Variants in ZNF627 observed in about 807,000 individuals in gnomAD.
ZNF627 encodes the protein zinc finger protein 627.
ZNF627 carries 12 observed loss-of-function variants against 10.6 expected under a neutral mutation model. The observed-to-expected ratio is 1.13, with a 90% CI of 0.73 to 1.84. The LOEUF (loss-of-function observed/expected upper bound fraction) is 1.84, where lower values mean the gene tolerates loss of function less well. Ranked by LOEUF, ZNF627 falls within the 40% of genes most tolerant of loss-of-function variation. ZNF627 has a pLI of 0.00. For missense variants in ZNF627, 504 were observed against 568.4 expected (o/e 0.89, Z 1.15); for synonymous variants, 176 against 187.1 (o/e 0.94, Z 0.48).
intron 1 of ZNF627, 124 bp downstream of exon 1, chr19:11,597,754 T>C: frequency 9.1e-7 from 1 of 1,096,562 alleles, no homozygotes; most frequent in Non-Finnish European, 1.2e-6. Context: ...CCGAGTTCCC[T>C]CGGCCGCAAG....
At position 11,618,060 on chromosome 19, in the gene ZNF627, T is replaced by G; in HGVS notation, c.*171T>G. The G allele has an allele frequency of 1.9e-6, 1 of 539,850 alleles. No individual in the cohort carries two copies. Among genetic ancestry groups the G allele is most frequent in the Non-Finnish European group, 3.1e-6 (1 of 321,064 alleles). The allele number at this position is 539,850 out of a possible 1,614,324, so 33.4% of individuals were successfully genotyped here. On this transcript the variant is annotated 3_prime_UTR_variant, in exon 4 of 4. Transcript: ENST00000361113. ...TGTGATAGGACAGTAAAACCTAGAGTTGGAGTTGGATCTCTGGATTGTGTT... is the reference window on the plus strand; with the variant it reads ...TGTGATAGGACAGTAAAACCTAGAGGTGGAGTTGGATCTCTGGATTGTGTT...
chr19:11,610,630 G>A (rs992000288), intron 1 of ZNF627, among the ~76,000 whole-genome samples: 1 of 152,030 alleles, frequency 6.6e-6, no homozygotes, highest in Admixed American at 6.6e-5. Flanking sequence ...TTGTGTAACT[G>A]CTGCTAATTA....
At chr19:11,600,777 A>T (rs1973571249) in intron 1 of ZNF627, among the ~76,000 whole-genome samples, 1 of 152,210 alleles carries the variant, frequency 6.6e-6, no homozygotes, top group Non-Finnish European at 1.5e-5. Context: ...AAGTCCTAGT[A>T]GGACAGGACT....
intron 3 of ZNF627, among the ~76,000 whole-genome samples, chr19:11,615,716 C>CT (rs773368615): frequency 0.017 from 2,252 of 131,444 alleles, 52 homozygotes; most frequent in Non-Finnish European, 0.02. Context: ...ATACGAATAT[C>CT]TTTTTTTTTT....
At position 11,597,620 on chromosome 19, in the gene ZNF627, G is replaced by A; in HGVS notation, c.-8G>A. The stretch of plus-strand genomic sequence containing the variant: ...AGGGAGGACGCCGGGACACCTGGAA[G>A]CCGAGAAATGGTGCGTGTGAGGGGT... On this transcript the variant is annotated 5_prime_UTR_variant, in exon 1 of 4. Transcript: ENST00000361113. 1 of 1,334,308 alleles carries A rather than the reference G, an allele frequency of 7.5e-7. No homozygotes were observed. Among genetic ancestry groups the A allele is most frequent in the Non-Finnish European group, 9.7e-7 (1 of 1,035,782 alleles). 82.7% of individuals were successfully genotyped at this position (1,334,308 alleles called of 1,614,324 possible).
intron 1 of ZNF627, among the ~76,000 whole-genome samples, chr19:11,601,506 A>G (rs1427900989): frequency 1.3e-5 from 2 of 151,994 alleles, no homozygotes; most frequent in Non-Finnish European, 2.9e-5. Context: ...TGCCTGGCTT[A>G]TATTTTTAAA....
At chr19:11,597,940 A>G (rs1040822890) in intron 1 of ZNF627, among the ~76,000 whole-genome samples, 3 of 152,130 alleles carry the variant, frequency 2.0e-5, no homozygotes, top group Non-Finnish European at 2.9e-5. Flanking sequence ...GCCGCCCCCC[A>G]CAGTCCCGCC....
At chr19:11,610,712 T>C (rs188208247) in intron 1 of ZNF627, among the ~76,000 whole-genome samples, 1 of 152,292 alleles carries the variant, frequency 6.6e-6, no homozygotes, top group East Asian at 1.9e-4. Context: ...CAATAGACTG[T>C]CCATTTGTAT....
In ZNF627 at chr19:11,597,615, T is replaced by G. The variant is rs745522487; in HGVS notation, c.-13T>G. The G allele has an allele frequency of 3.0e-6, 4 of 1,333,652 alleles. No homozygotes were observed. The highest frequency in any genetic ancestry group is 3.9e-6 in the Non-Finnish European group (4 of 1,035,474). The allele number at this position is 1,333,652 out of a possible 1,614,324, so 82.6% of individuals were successfully genotyped here. On this transcript the variant is annotated 5_prime_UTR_variant, in exon 1 of 4. Coordinates refer to ENST00000361113, the MANE Select transcript of ZNF627 (RefSeq NM_145295.4). ...GTCGTAGGGAGGACGCCGGGACACCTGGAAGCCGAGAAATGGTGCGTGTGA... is the reference window on the plus strand; with the variant it reads ...GTCGTAGGGAGGACGCCGGGACACCGGGAAGCCGAGAAATGGTGCGTGTGA...
At chr19:11,605,623 T>C (rs1568440522) in intron 1 of ZNF627, among the ~76,000 whole-genome samples, 1 of 152,098 alleles carries the variant, frequency 6.6e-6, no homozygotes, top group East Asian at 1.9e-4. Flanking sequence ...GAGAACAACA[T>C]GGAGGTAACC....
At chr19:11,614,454 C>A (rs1050037223) in intron 1 of ZNF627, 73 bp from the exon 2 acceptor site, 4 of 1,596,158 alleles carry the variant, frequency 2.5e-6, no homozygotes, top group African/African-American at 2.7e-5. Flanking sequence ...CTGAGAACTT[C>A]TTGGGAATAA....
chr19:11,601,352 T>C (rs56963444), intron 1 of ZNF627, among the ~76,000 whole-genome samples: 1 of 152,246 alleles, frequency 6.6e-6, no homozygotes, highest in South Asian at 2.1e-4. Context: ...TTTATTTTTT[T>C]TGTGTGTGAC....
chr19:11,616,766 A>G lies in ZNF627; in HGVS notation c.263A>G (p.Asp88Gly). The G allele has an allele frequency of 6.2e-7, 1 of 1,613,738 alleles. No individual in the cohort carries two copies. The highest frequency in any genetic ancestry group is 8.5e-7 in the Non-Finnish European group (1 of 1,179,808). Reference sequence around the variant, plus strand: ...GAAGAAACCTTCAGCCAGATTCCAGATGGTATTCTGAACAAGAAAACTCCT... The same window carrying G: ...GAAGAAACCTTCAGCCAGATTCCAGGTGGTATTCTGAACAAGAAAACTCCT... Reference protein sequence around the residue: ...QGEETFSQIPDGILNKKTPGV... With the variant: ...QGEETFSQIPGGILNKKTPGV... Residue 88 changes from aspartate to glycine, a missense_variant, in exon 4 of 4, where the codon GAT becomes GGT. Transcript: ENST00000361113.
intron 1 of ZNF627, chr19:11,604,502 G>C (rs1266187484): frequency 6.6e-6 from 1 of 152,226 alleles, no homozygotes; most frequent in African/African-American, 2.4e-5. Context: ...ATCTGAGCCT[G>C]GTGTTTTGGG....
chr19:11,617,596 T>C lies in ZNF627; in HGVS notation c.1093T>C (p.Cys365Arg). The C allele has an allele frequency of 1.2e-6, 2 of 1,613,842 alleles. No homozygotes were observed. Among genetic ancestry groups the C allele is most frequent in the Non-Finnish European group, 1.7e-6 (2 of 1,179,950 alleles). The change falls in exon 4 of 4, where the codon TGT becomes CGT. Residue 365 changes from cysteine to arginine, a missense_variant. Coordinates refer to ENST00000361113, the MANE Select transcript of ZNF627 (RefSeq NM_145295.4). The stretch of plus-strand genomic sequence containing the variant: ...CCACACTGGAGAGAAACCCTATGAT[T>C]GTAAGCAATGTGGGAAAGCCTTCAG... ...RTHTGEKPYD[C>R]KQCGKAFSCS... is the part of the protein sequence containing the mutation.
At chr19:11,599,338 T>C (rs1222939893) in intron 1 of ZNF627, among the ~76,000 whole-genome samples, 1 of 152,204 alleles carries the variant, frequency 6.6e-6, no homozygotes, top group Non-Finnish European at 1.5e-5. Flanking sequence ...CCAGATCCCA[T>C]TCCTTGGGGG....
intron 1 of ZNF627, among the ~76,000 whole-genome samples, chr19:11,606,041 G>T (rs1329621495): frequency 2.0e-5 from 3 of 152,246 alleles, no homozygotes; most frequent in Admixed American, 2.0e-4. Context: ...AAATCTTAAA[G>T]CTTTGACATA....
intron 1 of ZNF627, among the ~76,000 whole-genome samples, chr19:11,601,661 A>G (rs1973587024): frequency 6.6e-6 from 1 of 152,068 alleles, no homozygotes; most frequent in African/African-American, 2.4e-5. Context: ...CCAGACAGGA[A>G]TGACTATTCT....
chr19:11,612,309 A>G (rs1973785700), intron 1 of ZNF627, among the ~76,000 whole-genome samples: 2 of 147,530 alleles, frequency 1.4e-5, no homozygotes, highest in Non-Finnish European at 3.0e-5. Flanking sequence ...TTTCGTAGAG[A>G]TGGGGTTTCA....
Sources: gnomAD v4.1 joint callset for allele counts (sites outside exome capture counted in the v4.1 genomes callset) on GRCh38, gnomAD v4.1.1 for gene constraint, MANE v1.5 for transcripts, NCBI Gene and HGNC (gene_info 2026-07-23, HGNC 2026-07-21) for gene names.